Variants in IFT122 observed in about 807,000 individuals in gnomAD.
IFT122 encodes intraflagellar transport protein 122 homolog.
Under a neutral mutation model 161.6 loss-of-function variants are expected in IFT122, and 118 were observed. That is an observed-to-expected ratio of 0.73 (90% CI 0.63 to 0.85). The LOEUF is 0.85. Ranked by LOEUF, IFT122 falls within the 40% of genes least tolerant of loss-of-function variation. The pLI is 0.00. For missense variants in IFT122, 1,381 were observed against 1,579.6 expected, an observed-to-expected ratio of 0.87 and a Z score of 2.13; for synonymous variants, 550 against 602.4, an observed-to-expected ratio of 0.91 and a Z score of 1.27.
In IFT122 at chr3:129,516,911, C is replaced by T. The variant is rs111162341; in HGVS notation, c.3266-558C>T. ...CTCCTGCACACAGACACACAGAGAC[C>T]GCTCCTGCACACACACGGAGACTGC... On this transcript the variant is annotated intron_variant, in intron 26 of 29. Transcript: ENST00000348417. 3.0e-3 allele frequency among the ~76,000 whole-genome samples: 396 copies of T among 130,056 alleles called. 1 individual carries two copies. Among genetic ancestry groups the T allele is most frequent in the African/African-American group, 0.011 (379 of 33,696 alleles). 85.3% of individuals were successfully genotyped at this position (130,056 alleles called of 152,430 possible).
intron 12 of IFT122, among the ~76,000 whole-genome samples, chr3:129,479,379 T>G (rs929080272): frequency 6.6e-6 from 1 of 151,590 alleles, no homozygotes; most frequent in Non-Finnish European, 1.5e-5. Flanking sequence ...GAGGCAGCAG[T>G]GAGCTATGAT....
chr3:129,477,927 G>C (rs1003970110), intron 11 of IFT122, 89 bp from the exon 12 acceptor site: 1 of 1,065,326 alleles, frequency 9.4e-7, no homozygotes, highest in South Asian at 1.3e-5. Context: ...ATTGCCAGTA[G>C]CGCTAAGTAA....
intron 20 of IFT122, 37 bp from the exon 21 acceptor site, chr3:129,504,282 G>A: frequency 6.6e-7 from 1 of 1,521,860 alleles, no homozygotes; most frequent in Non-Finnish European, 9.1e-7. Flanking sequence ...GGCTGCAGGG[G>A]CAGCTTTATT....
chr3:129,477,978 A>C, intron 11 of IFT122, 38 bp from the exon 12 acceptor site: 1 of 1,565,456 alleles, frequency 6.4e-7, no homozygotes, highest in East Asian at 2.2e-5. Context: ...CTTACATAAC[A>C]ACCTCTTGCT....
chr3:129,480,443 G>A (rs1336762867), intron 13 of IFT122, among the ~76,000 whole-genome samples: 7 of 152,222 alleles, frequency 4.6e-5, no homozygotes, highest in South Asian at 2.1e-4. Context: ...ATGTGTACAC[G>A]TGTGTTCTTT....
At chr3:129,485,563 G>T (rs2079174183) in intron 15 of IFT122, among the ~76,000 whole-genome samples, 1 of 152,214 alleles carries the variant, frequency 6.6e-6, no homozygotes, top group Non-Finnish European at 1.5e-5. Context: ...ATCCTTGTCT[G>T]CCCCATTACA....
At chr3:129,480,017 A>C in intron 13 of IFT122, 95 bp downstream of exon 13, 1 of 1,476,038 alleles carries the variant, frequency 6.8e-7, no homozygotes, top group Non-Finnish European at 9.4e-7. Flanking sequence ...TTCTCAGGGC[A>C]GGAAAAGGGC....
intron 7 of IFT122, among the ~76,000 whole-genome samples, chr3:129,465,114 A>AGTGTGTGT (rs56116340): frequency 7.3e-4 from 104 of 142,412 alleles, no homozygotes; most frequent in Middle Eastern, 3.5e-3. Flanking sequence ...CATGTATATG[A>AGTGTGTGT]GTGTGTGTGT....
At chr3:129,520,106 G>T in intron 29 of IFT122, 70 bp from the exon 30 acceptor site, 1 of 1,302,044 alleles carries the variant, frequency 7.7e-7, no homozygotes, top group Non-Finnish European at 1.1e-6. Context: ...GAGGCAGTGC[G>T]TCCTGGCCCC....
intron 21 of IFT122, among the ~76,000 whole-genome samples, chr3:129,505,335 A>G (rs1057089036): frequency 5.9e-5 from 9 of 152,336 alleles, no homozygotes; most frequent in Non-Finnish European, 4.4e-5. Context: ...ACGCTTCTAT[A>G]TGGTAACCGT....
At chr3:129,502,599 C>G in intron 19 of IFT122, 112 bp from the exon 20 acceptor site, 1 of 1,234,150 alleles carries the variant, frequency 8.1e-7, no homozygotes, top group Non-Finnish European at 1.2e-6. Context: ...CTGAGCAACT[C>G]CCATGGGCCA....
Position 129,492,910 on chromosome 3 carries a change from C to T in IFT122, c.2046+716C>T, listed in dbSNP as rs1464840312. Among the ~76,000 whole-genome samples the T allele has an allele frequency of 9.2e-5, 14 of 151,608 alleles. 1 individual carries two copies. Among genetic ancestry groups the T allele is most frequent in the African/African-American group, 3.4e-4 (14 of 41,266 alleles). On this transcript the variant is annotated intron_variant, in intron 17 of 29. Transcript: ENST00000348417. ...CACAGCTTACTGCAGCATAGACCTCCCAGGCTCAAATGATCCTCCCACCTA... is the reference window on the plus strand; with the variant it reads ...CACAGCTTACTGCAGCATAGACCTCTCAGGCTCAAATGATCCTCCCACCTA...
Position 129,503,087 on chromosome 3 carries a change from G to A in IFT122, c.2547+205G>A, listed in dbSNP as rs146041987. 1.7e-3 allele frequency among the ~76,000 whole-genome samples: 259 copies of A among 152,264 alleles called. 1 individual carries two copies. The highest frequency in any genetic ancestry group is 5.8e-3 in the African/African-American group (241 of 41,544). On this transcript the variant is annotated intron_variant, in intron 20 of 29. Transcript: ENST00000348417. ...GCCTTTCCACTTGTCCCTTCATTCA[G>A]TCATTGAGAAAATCGTTACTGACAG... is the stretch of plus-strand genomic sequence containing the variant.
intron 24 of IFT122, chr3:129,514,144 G>A: frequency 3.3e-6 from 2 of 612,254 alleles, no homozygotes; most frequent in Non-Finnish European, 6.0e-6. Context: ...GCCCAGAGAT[G>A]CTAAGCAAGG....
intron 19 of IFT122, among the ~76,000 whole-genome samples, chr3:129,501,341 C>T (rs1007970526): frequency 4.6e-5 from 7 of 152,048 alleles, no homozygotes; most frequent in African/African-American, 1.7e-4. Context: ...GTGGCCCAGC[C>T]AGGATTTGGG....
intron 15 of IFT122, among the ~76,000 whole-genome samples, chr3:129,485,102 A>G (rs762038858): frequency 6.6e-6 from 1 of 152,200 alleles, no homozygotes; most frequent in Non-Finnish European, 1.5e-5. Context: ...CCTACTGGAC[A>G]TGTTTGCTGC....
At chr3:129,519,776 CT>C in intron 29 of IFT122, 44 bp downstream of exon 29, 4 of 1,609,570 alleles carry the variant, frequency 2.5e-6, no homozygotes, top group South Asian at 2.2e-5. Flanking sequence ...CTCTTGGCCA[CT>C]TTTCCCTTGC....
At chr3:129,470,155 A>T (rs1305434884) in intron 9 of IFT122, among the ~76,000 whole-genome samples, 1 of 152,232 alleles carries the variant, frequency 6.6e-6, no homozygotes, top group Admixed American at 6.5e-5. Flanking sequence ...GACAGTTCAG[A>T]GAATGGTGAG....
At chr3:129,454,513 T>G (rs867166254) in intron 3 of IFT122, among the ~76,000 whole-genome samples, 3,837 of 131,262 alleles carry the variant, frequency 0.029, 183 homozygotes, top group African/African-American at 0.1. Flanking sequence ...GTAGTCATAT[T>G]TGTGTGTGTG....
Sources: gnomAD v4.1 joint callset for allele counts (sites outside exome capture counted in the v4.1 genomes callset) on GRCh38, gnomAD v4.1.1 for gene constraint, MANE v1.5 for transcripts, NCBI Gene and HGNC (gene_info 2026-07-23, HGNC 2026-07-21) for gene names.